Variants in DNAH14 observed in about 807,000 individuals in gnomAD.
The protein encoded by DNAH14 is axonemal beta dynein heavy chain 14.
A neutral mutation model predicts 520.9 loss-of-function variants in DNAH14; 478 were observed. The ratio of observed to expected loss-of-function variants is 0.92; its 90% confidence interval spans 0.85 to 0.99. The LOEUF (loss-of-function observed/expected upper bound fraction) is 0.99, where lower values mean the gene tolerates loss of function less well. DNAH14 is among the 50% of genes least tolerant of loss of function. The probability of loss-of-function intolerance (pLI) is 0.00; values close to 1 mark genes in which losing one functional copy is unlikely to be tolerated. For missense variants in DNAH14, 4,831 were observed against 5,234.5 expected (o/e 0.92, Z 2.38); for synonymous variants, 1,581 against 1,757.2 (o/e 0.90, Z 2.51).
At chr1:224,947,198 G>A (rs1054601227) in intron 1 of DNAH14, among the ~76,000 whole-genome samples, 6 of 152,032 alleles carry the variant, frequency 3.9e-5, no homozygotes, top group Non-Finnish European at 4.4e-5. Context: ...GATTACAGGC[G>A]TGAACCACCG....
At chr1:224,945,065 C>G (rs919259388) in intron 1 of DNAH14, among the ~76,000 whole-genome samples, 4 of 152,184 alleles carry the variant, frequency 2.6e-5, no homozygotes, top group Non-Finnish European at 5.9e-5. Context: ...GGAAGTTCTC[C>G]TGTATAATAT....
intron 32 of DNAH14, 23 bp from the exon 33 acceptor site, chr1:225,152,674 T>C (rs2080614817): frequency 2.0e-6 from 3 of 1,508,156 alleles, no homozygotes; most frequent in Non-Finnish European, 2.7e-6. Flanking sequence ...GTTTTTATTG[T>C]TTGTTTTTCT....
chr1:225,054,758 G>T (rs2068865931), intron 17 of DNAH14, among the ~76,000 whole-genome samples: 1 of 151,894 alleles, frequency 6.6e-6, no homozygotes, highest in South Asian at 2.1e-4. Context: ...CTTTTAATTT[G>T]CCTGATAAAA....
intron 77 of DNAH14, among the ~76,000 whole-genome samples, chr1:225,373,497 A>G (rs78111047): frequency 0.071 from 10,802 of 151,258 alleles, 606 homozygotes; most frequent in East Asian, 0.27. Flanking sequence ...AGGGAGGGGG[A>G]TAGGAAGAGG....
At chr1:225,333,584 C>G in intron 66 of DNAH14, 78 bp downstream of exon 66, 1 of 1,283,802 alleles carries the variant, frequency 7.8e-7, no homozygotes, top group Non-Finnish European at 1.1e-6. Context: ...TAGTTTCGGC[C>G]TTGGATGTTG....
Position 224,960,247 on chromosome 1 carries a change from A to G in DNAH14, c.312A>G (p.Gln104=). Residue 104 remains glutamine, a synonymous_variant, in exon 4 of 86, where the codon CAA becomes CAG. Transcript: ENST00000682510. ...EKGKSRRKKD[Q]THACPNVRKA... is the part of the protein sequence containing the mutation. ...GGAAGTCAAGGAGAAAAAAGGATCA[A>G]ACTCATGCTTGTCCAAATGTTAGGA... 2 of 1,611,942 alleles carry G rather than the reference A, an allele frequency of 1.2e-6. No homozygotes were observed. The highest frequency in any genetic ancestry group is 1.7e-6 in the Non-Finnish European group (2 of 1,178,912).
intron 35 of DNAH14, among the ~76,000 whole-genome samples, chr1:225,167,394 C>G (rs1384815863): frequency 6.6e-6 from 1 of 152,166 alleles, no homozygotes; most frequent in Non-Finnish European, 1.5e-5. Flanking sequence ...CCTTATAATA[C>G]CTTGGTTAAA....
intron 11 of DNAH14, among the ~76,000 whole-genome samples, chr1:225,031,008 A>G (rs1377363064): frequency 1.3e-5 from 2 of 152,014 alleles, no homozygotes; most frequent in Non-Finnish European, 2.9e-5. Flanking sequence ...AAAGCCCTGA[A>G]CATGGTAGAC....
Position 225,333,444 on chromosome 1 carries a change from G to T in DNAH14, c.10018G>T (p.Glu3340Ter), listed in dbSNP as rs1474365209. 3 of 1,551,194 alleles carry T rather than the reference G, an allele frequency of 1.9e-6. No homozygotes were observed. In the African/African-American group the frequency reaches 4.1e-5, roughly 21 times the overall value. Reference sequence around the variant, plus strand: ...GAATAAATGGGAGACATTCTGCATTGAAAATGGCATTTCTTTGTCTTCCAA... The same window carrying T: ...GAATAAATGGGAGACATTCTGCATTTAAAATGGCATTTCTTTGTCTTCCAA... ...IVNKWETFCIENGISLSSKFS... is the reference protein window; with the variant it reads ...IVNKWETFCI The change falls in exon 66 of 86, where the codon GAA becomes TAA. Residue 3340 changes from glutamate to a stop codon, truncating the protein, a stop_gained. Transcript: ENST00000682510. LOFTEE classifies it high-confidence loss of function.
chr1:225,115,897 A>T (rs2076836993), intron 23 of DNAH14, among the ~76,000 whole-genome samples: 1 of 152,222 alleles, frequency 6.6e-6, no homozygotes, highest in Non-Finnish European at 1.5e-5. Context: ...TAGGAGACAA[A>T]AAAAGTAAGG....
chr1:225,023,484 C>T, intron 10 of DNAH14, 131 bp from the exon 11 acceptor site: 3 of 613,628 alleles, frequency 4.9e-6, no homozygotes, highest in Non-Finnish European at 7.6e-6. Flanking sequence ...TCATTTTTTG[C>T]TTGAGGTATT....
intron 54 of DNAH14, among the ~76,000 whole-genome samples, chr1:225,278,928 T>C (rs937404289): frequency 1.3e-5 from 2 of 152,318 alleles, no homozygotes; most frequent in African/African-American, 4.8e-5. Flanking sequence ...AAATAGAAGG[T>C]AAAACATGGC....
At position 224,998,900 on chromosome 1, in the gene DNAH14, G is replaced by A. The variant is rs2063565694; in HGVS notation, c.831-3883G>A. ...GTGGATTTGTCTCTTTTTCCTTTCA[G>A]TTCAGCTTTTGTTTGACATTTTGCA... On this transcript the variant is annotated intron_variant, in intron 8 of 85. Coordinates refer to ENST00000682510, the MANE Select transcript of DNAH14 (RefSeq NM_001367479.1). 2.0e-5 allele frequency among the ~76,000 whole-genome samples: 3 copies of A among 151,976 alleles called. 1 individual carries two copies. In the South Asian group the frequency reaches 6.2e-4, roughly 32 times the overall value.
chr1:225,255,911 T>C (rs532394876), intron 44 of DNAH14, among the ~76,000 whole-genome samples: 3 of 151,964 alleles, frequency 2.0e-5, no homozygotes, highest in Admixed American at 6.6e-5. Context: ...CTTCTAGAAA[T>C]GAAAAATACA....
At chr1:225,158,384 T>A (rs2081235216) in intron 34 of DNAH14, among the ~76,000 whole-genome samples, 1 of 152,206 alleles carries the variant, frequency 6.6e-6, no homozygotes, top group Non-Finnish European at 1.5e-5. Flanking sequence ...CAGTTTAATT[T>A]GTCTGAGATA....
intron 36 of DNAH14, among the ~76,000 whole-genome samples, chr1:225,178,070 G>A (rs2083524228): frequency 6.6e-6 from 1 of 152,180 alleles, no homozygotes; most frequent in Admixed American, 6.5e-5. Context: ...TTTTGCATCA[G>A]CGTGATCTGG....
At chr1:225,371,295 G>A (rs1236472083) in intron 77 of DNAH14, among the ~76,000 whole-genome samples, 2 of 152,050 alleles carry the variant, frequency 1.3e-5, no homozygotes, top group Non-Finnish European at 2.9e-5. Context: ...AGTAATGCAA[G>A]AATGACCCAG....
intron 41 of DNAH14, among the ~76,000 whole-genome samples, chr1:225,225,722 TA>T (rs2090469412): frequency 6.6e-6 from 1 of 152,216 alleles, no homozygotes; most frequent in South Asian, 2.1e-4. Context: ...CTTGTGGTTT[TA>T]TGGAAAGATG....
intron 42 of DNAH14, among the ~76,000 whole-genome samples, chr1:225,236,078 G>C (rs1047650946): frequency 1.3e-5 from 2 of 151,802 alleles, no homozygotes; most frequent in Non-Finnish European, 2.9e-5. Flanking sequence ...TCTAGCTTTG[G>C]GGTTTGTTTG....
Sources: gnomAD v4.1 joint callset for allele counts (sites outside exome capture counted in the v4.1 genomes callset) on GRCh38, gnomAD v4.1.1 for gene constraint, MANE v1.5 for transcripts, NCBI Gene and HGNC (gene_info 2026-07-23, HGNC 2026-07-21) for gene names.